The following MYH10 variants were observed in gnomAD, a reference collection of about 807,000 sequenced individuals.
MYH10 encodes the protein myosin-10.
In MYH10, 55 loss-of-function variants were observed where a neutral mutation model predicts 257.8. That is an observed-to-expected ratio of 0.21 (90% CI 0.17 to 0.27). MYH10 has a LOEUF of 0.27. MYH10 is among the 10% of genes least tolerant of loss of function. The pLI is 1.00. For missense variants in MYH10, 1,631 were observed against 2,500.6 expected, an observed-to-expected ratio of 0.65 and a Z score of 7.42; for synonymous variants, 854 against 921.7, an observed-to-expected ratio of 0.93 and a Z score of 1.33.
rs2151859842 is a variant in MYH10, at chr17:8,506,556, A to G, written c.3215-67T>C. The G allele has an allele frequency of 2.0e-6, 3 of 1,512,158 alleles. No homozygotes were observed. The East Asian group carries it at 6.9e-5, about 35-fold the overall frequency. The allele number at this position is 1,512,158 out of a possible 1,614,324, so 93.7% of individuals were successfully genotyped here. On this transcript the variant is annotated intron_variant, in intron 26 of 42. Coordinates refer to ENST00000360416, the MANE Select transcript of MYH10 (RefSeq NM_001256012.3). The surrounding 1 kb of genome is among the most constrained non-coding windows in gnomAD (Gnocchi z 5.0). ...ACTCACCACAGGAATAAACTAAAAT[A>G]CAGACTGATCCAAGTTGAAAATAAG...
At chr17:8,620,829 C>T (rs2085437552) in intron 2 of MYH10, among the ~76,000 whole-genome samples, 1 of 152,172 alleles carries the variant, frequency 6.6e-6, no homozygotes, top group South Asian at 2.1e-4. Flanking sequence ...CCTCCCAAAC[C>T]CCGACCTCTG....
At chr17:8,610,376 C>T (rs1016848177) in intron 2 of MYH10, among the ~76,000 whole-genome samples, 1 of 147,406 alleles carries the variant, frequency 6.8e-6, no homozygotes, top group African/African-American at 2.5e-5. Flanking sequence ...ATCACTTGAG[C>T]TCAGGAGTTC....
chr17:8,541,591 T>C (rs1284942871), intron 14 of MYH10, among the ~76,000 whole-genome samples: 1 of 152,070 alleles, frequency 6.6e-6, no homozygotes, highest in Non-Finnish European at 1.5e-5. Context: ...GAAAAGAGTT[T>C]CTGATGCTTT....
intron 2 of MYH10, among the ~76,000 whole-genome samples, chr17:8,611,280 T>C (rs1405749724): frequency 6.6e-6 from 1 of 152,190 alleles, no homozygotes; most frequent in Non-Finnish European, 1.5e-5. Flanking sequence ...ATGTCCTAGT[T>C]TCCCTAAGCC....
chr17:8,554,273 C>A (rs1008614323), intron 7 of MYH10: 4 of 233,512 alleles, frequency 1.7e-5, no homozygotes, highest in Non-Finnish European at 3.3e-5. Context: ...AGTGAGATCC[C>A]AGTCATTCAG....
chr17:8,591,683 C>T (rs984698654), intron 3 of MYH10, among the ~76,000 whole-genome samples: 2 of 151,534 alleles, frequency 1.3e-5, no homozygotes, highest in African/African-American at 4.8e-5. Flanking sequence ...GTTCTTCCTG[C>T]GTCTGTACAT....
At chr17:8,622,096 T>A (rs981803444) in intron 2 of MYH10, among the ~76,000 whole-genome samples, 2 of 152,214 alleles carry the variant, frequency 1.3e-5, no homozygotes, top group African/African-American at 2.4e-5. Flanking sequence ...TCAACACCCC[T>A]TTTCCGATTT....
At position 8,550,662 on chromosome 17, in the gene MYH10, G is replaced by A. The variant is rs752085026; in HGVS notation, c.919+1384C>T. Among the ~76,000 whole-genome samples, 319 of 152,282 alleles carry A rather than the reference G, an allele frequency of 2.1e-3. 3 individuals are homozygous for A. Among genetic ancestry groups the A allele is most frequent in the South Asian group, 0.016 (76 of 4,822 alleles). On this transcript the variant is annotated intron_variant, in intron 9 of 42. Transcript: ENST00000360416. ...GTGTGCCCAGCAGCTCATTGAGAGC[G>A]GGCCAGGATGACAGTGGCGGCTTTG...
chr17:8,478,282 A>T, intron 41 of MYH10, 56 bp downstream of exon 41: 1 of 1,452,064 alleles, frequency 6.9e-7, no homozygotes, highest in Admixed American at 1.7e-5. Flanking sequence ...CCACCAGCTC[A>T]TTCTCCACCA....
rs1179948776 is a variant in MYH10, at chr17:8,545,529, G to A, written c.1350C>T (p.Ile450=). 1 of 1,614,126 alleles carries A rather than the reference G, an allele frequency of 6.2e-7. No individual in the cohort carries two copies. Among genetic ancestry groups the A allele is most frequent in the South Asian group, 1.1e-5 (1 of 91,064 alleles). ...ERLFRWLVHR[I]NKALDRTKRQ... ...GTTTGGTCCTATCCAGAGCTTTATTGATGCGATGAACGAGCCAGCGAAAGA... is the reference window on the plus strand; with the variant it reads ...GTTTGGTCCTATCCAGAGCTTTATTAATGCGATGAACGAGCCAGCGAAAGA... The change falls in exon 13 of 43, where the codon ATC becomes ATT. Residue 450 remains isoleucine, a synonymous_variant. Coordinates refer to ENST00000360416, the MANE Select transcript of MYH10 (RefSeq NM_001256012.3). This position sits in a 1 kb window ranked among gnomAD's most constrained non-coding sequence, Gnocchi z 4.7.
intron 41 of MYH10, 160 bp downstream of exon 41, chr17:8,478,178 C>T (rs568883587): frequency 1.9e-5 from 12 of 641,314 alleles, no homozygotes; most frequent in East Asian, 1.1e-4. Flanking sequence ...TCCTGTGTCT[C>T]GGGTACTGGG....
At chr17:8,485,199 A>G (rs1436315560) in intron 36 of MYH10, among the ~76,000 whole-genome samples, 1 of 152,236 alleles carries the variant, frequency 6.6e-6, no homozygotes, top group South Asian at 2.1e-4. Context: ...ATATTTCTAT[A>G]CACCAACTAT....
chr17:8,571,592 C>G (rs2152005830), intron 6 of MYH10, among the ~76,000 whole-genome samples: 1 of 151,814 alleles, frequency 6.6e-6, no homozygotes, highest in South Asian at 2.1e-4. Flanking sequence ...ACCATCCTGG[C>G]TAACACAGTG....
At chr17:8,553,904 G>A (rs2151967621) in intron 8 of MYH10, 51 bp downstream of exon 8, 1 of 1,474,942 alleles carries the variant, frequency 6.8e-7, no homozygotes, top group Non-Finnish European at 9.4e-7. Flanking sequence ...GGGGTTGTAG[G>A]AAGACTAAAT....
At chr17:8,482,690 G>A (rs1042030557) in intron 37 of MYH10, among the ~76,000 whole-genome samples, 2 of 152,238 alleles carry the variant, frequency 1.3e-5, no homozygotes, top group Non-Finnish European at 2.9e-5. Context: ...GAAGGGCAGG[G>A]CCAGCTTTCC....
intron 2 of MYH10, among the ~76,000 whole-genome samples, chr17:8,606,854 G>A (rs1021157145): frequency 5.9e-5 from 9 of 152,172 alleles, no homozygotes; most frequent in African/African-American, 2.2e-4. Context: ...AATTACTATA[G>A]ACTCCTCAAG....
At chr17:8,521,405 T>C (rs912151172) in intron 17 of MYH10, 120 bp from the exon 18 acceptor site, 25 of 1,040,366 alleles carry the variant, frequency 2.4e-5, no homozygotes, top group Non-Finnish European at 2.7e-5. Context: ...GGAGATGCCA[T>C]ATAGGTAAGG....
chr17:8,493,736 G>A lies in MYH10; in HGVS notation c.4206C>T (p.Ser1402=), dbSNP rs532680406. The A allele has an allele frequency of 3.1e-6, 5 of 1,612,942 alleles. No individual in the cohort carries two copies. In the African/African-American group the frequency reaches 6.7e-5, roughly 22 times the overall value. The change falls in exon 32 of 43, where the codon TCC becomes TCT. Residue 1402 remains serine (S), a synonymous_variant. Transcript: ENST00000360416. The stretch of plus-strand genomic sequence containing the variant: ...GCCTCCTAAAGAGGACGCACACCTG[G>A]GACTGCAGGGCCAGCACTTGCTTCT... ...NLEKQVLALQ[S]QLADTKKKVD... is the part of the protein sequence containing the mutation.
intron 9 of MYH10, 135 bp from the exon 10 acceptor site, chr17:8,548,922 T>C (rs981174117): frequency 8.1e-6 from 5 of 619,014 alleles, no homozygotes; most frequent in African/African-American, 7.4e-5. Context: ...AAATGTTTTT[T>C]TTCTTTATAT....
Sources: gnomAD v4.1 joint callset for allele counts (sites outside exome capture counted in the v4.1 genomes callset) on GRCh38, gnomAD v4.1.1 for gene constraint, Gnocchi (gnomAD v3.1) non-coding constraint, MANE v1.5 for transcripts, NCBI Gene and HGNC (gene_info 2026-07-23, HGNC 2026-07-21) for gene names.